The following ICA1L variants were observed in gnomAD, a reference collection of about 807,000 sequenced individuals.
The protein encoded by ICA1L is islet cell autoantigen 1 like, also known as islet cell autoantigen 1-like protein.
A neutral mutation model predicts 61.3 loss-of-function variants in ICA1L; 50 were observed. That is an observed-to-expected ratio of 0.82 (90% confidence interval 0.65 to 1.03). The LOEUF is 1.03. ICA1L is among the 50% of genes least tolerant of loss of function. ICA1L has a pLI of 0.00. For synonymous variants in ICA1L, 161 were observed against 191.3 expected, an observed-to-expected ratio of 0.84 and a Z score of 1.31; for missense variants, 508 against 556.7, an observed-to-expected ratio of 0.91 and a Z score of 0.88.
At chr2:202,816,272 C>T (rs1693531446) in intron 6 of ICA1L, among the ~76,000 whole-genome samples, 1 of 152,036 alleles carries the variant, frequency 6.6e-6, no homozygotes, top group Non-Finnish European at 1.5e-5. Flanking sequence ...AGAGTGACTG[C>T]AGCTAAGAGA....
In ICA1L at chr2:202,792,728, C is replaced by T. The variant is rs916032930; in HGVS notation, c.986-3641G>A. Among the ~76,000 whole-genome samples, 14 of 152,188 alleles carry T rather than the reference C, an allele frequency of 9.2e-5. No individual in the cohort carries two copies. The East Asian group carries it at 2.5e-3, about 27-fold the overall frequency. On this transcript the variant is annotated intron_variant, in intron 10 of 12. Coordinates refer to ENST00000358299, the MANE Select transcript of ICA1L (RefSeq NM_001288622.3). The stretch of plus-strand genomic sequence containing the variant: ...GGCTGAGGCAGGAGAATCACTTGAA[C>T]CCAGAAGGCAGGTTGCAGTGGGCCA...
intron 1 of ICA1L, among the ~76,000 whole-genome samples, chr2:202,851,610 T>C (rs1354163105): frequency 1.3e-5 from 2 of 152,208 alleles, no homozygotes; most frequent in East Asian, 1.9e-4. Context: ...ATGGTTGAAC[T>C]AGTTTACCTC....
chr2:202,795,911 C>T (rs960525870), intron 10 of ICA1L, among the ~76,000 whole-genome samples: 19 of 152,076 alleles, frequency 1.2e-4, no homozygotes, highest in African/African-American at 3.6e-4. Context: ...GGCATGGTGG[C>T]GCACGCCTGT....
chr2:202,814,756 C>T lies in ICA1L; in HGVS notation c.812G>A (p.Ser271Asn), dbSNP rs1480307795. ...TATTTGTTCATCTTTATTGTCTTCA[C>T]TAATCTTGCTTGGCGTGTCTTGTAG... Reference protein sequence around the residue: ...KQLQDTPSKISEDNKDEQIGG... With the variant: ...KQLQDTPSKINEDNKDEQIGG... The change falls in exon 8 of 13, where the codon AGT (serine) becomes AAT (asparagine). Residue 271 changes from serine to asparagine, a missense_variant. Transcript: ENST00000358299. 2 of 1,613,668 alleles carry T rather than the reference C, an allele frequency of 1.2e-6. No individual in the cohort carries two copies. The highest frequency in any genetic ancestry group is 3.3e-5 in the Admixed American group (2 of 60,000).
At chr2:202,834,049 T>A (rs532787686) in intron 1 of ICA1L, among the ~76,000 whole-genome samples, 35 of 152,306 alleles carry the variant, frequency 2.3e-4, no homozygotes, top group African/African-American at 7.7e-4. Flanking sequence ...TGAGGCAGGA[T>A]TTTTAGTGTT....
intron 12 of ICA1L, among the ~76,000 whole-genome samples, chr2:202,784,865 C>T (rs986311399): frequency 6.6e-6 from 1 of 152,074 alleles, no homozygotes; most frequent in African/African-American, 2.4e-5. Flanking sequence ...TAAAAAAGTT[C>T]TGAAGATCTG....
intron 10 of ICA1L, among the ~76,000 whole-genome samples, chr2:202,791,550 T>TA (rs1461457330): frequency 1.3e-5 from 2 of 152,208 alleles, no homozygotes; most frequent in Admixed American, 6.5e-5. Flanking sequence ...AGCTACAAAT[T>TA]AAAAGCACTA....
At chr2:202,788,743 TGTTG>T (rs1231169499) in intron 11 of ICA1L, 83 bp downstream of exon 11, 1 of 1,352,558 alleles carries the variant, frequency 7.4e-7, no homozygotes, top group African/African-American at 1.5e-5. Flanking sequence ...TCAATCTGCT[TGTTG>T]GTTCTAGCAT....
At chr2:202,807,889 C>T (rs1162955265) in intron 9 of ICA1L, among the ~76,000 whole-genome samples, 1 of 152,084 alleles carries the variant, frequency 6.6e-6, no homozygotes, top group Admixed American at 6.5e-5. Flanking sequence ...ATGCACTGCC[C>T]TAAAGGGAAG....
At chr2:202,799,370 A>C (rs1158632651) in intron 9 of ICA1L, among the ~76,000 whole-genome samples, 1 of 152,158 alleles carries the variant, frequency 6.6e-6, no homozygotes, top group Non-Finnish European at 1.5e-5. Context: ...CCTGATGATT[A>C]GTGATGTTTA....
intron 1 of ICA1L, among the ~76,000 whole-genome samples, chr2:202,845,513 G>T (rs1694442570): frequency 6.6e-6 from 1 of 151,814 alleles, no homozygotes; most frequent in South Asian, 2.1e-4. Flanking sequence ...TGTAATCCCA[G>T]CTACTTGGGA....
chr2:202,813,258 CAAAA>C (rs34755589), intron 8 of ICA1L, among the ~76,000 whole-genome samples: 17 of 120,306 alleles, frequency 1.4e-4, no homozygotes, highest in Admixed American at 2.5e-4. Flanking sequence ...GAGACTCTGT[CAAAA>C]AAAAAAAAAA....
chr2:202,774,433 C>T lies in ICA1L; in HGVS notation c.*5100G>A. ...AGGGTCGAGCCCCTGGCTCCCCGTT[C>T]GTCCAGGCCAGCTCAAGAAACAACT... On this transcript the variant is annotated 3_prime_UTR_variant, in exon 13 of 13. Transcript: ENST00000358299. 1.4e-6 allele frequency: 1 copy of T among 697,032 alleles called. No homozygotes were observed. The highest frequency in any genetic ancestry group is 2.7e-5 in the South Asian group (1 of 36,684). The allele number at this position is 697,032 out of a possible 1,614,324, so 43.2% of individuals were successfully genotyped here.
chr2:202,817,973 AT>A (rs1693586831), intron 5 of ICA1L, among the ~76,000 whole-genome samples: 1 of 152,210 alleles, frequency 6.6e-6, no homozygotes, highest in South Asian at 2.1e-4. Context: ...GGCCTATTAT[AT>A]TTCTTGAATA....
chr2:202,826,622 T>C lies in ICA1L; in HGVS notation c.163-855A>G, dbSNP rs1210900241. ...GAGTAGCTGGGATTACAGATGCCCATTACCGTGCCCAGCTAATTTTTGTAT... is the reference window on the plus strand; with the variant it reads ...GAGTAGCTGGGATTACAGATGCCCACTACCGTGCCCAGCTAATTTTTGTAT... On this transcript the variant is annotated intron_variant, in intron 2 of 12. Coordinates refer to ENST00000358299, the MANE Select transcript of ICA1L (RefSeq NM_001288622.3). 2.0e-5 allele frequency among the ~76,000 whole-genome samples: 3 copies of C among 152,222 alleles called. No homozygotes were observed. In the East Asian group the frequency reaches 5.8e-4, roughly 29 times the overall value.
intron 7 of ICA1L, among the ~76,000 whole-genome samples, chr2:202,815,362 T>A (rs536138305): frequency 1.3e-5 from 2 of 152,278 alleles, no homozygotes; most frequent in Middle Eastern, 6.8e-3. Context: ...AGCAACACTT[T>A]CAAGCTTTAC....
In ICA1L at chr2:202,778,654, T is replaced by C. The variant is rs1346294594; in HGVS notation, c.*879A>G. On this transcript the variant is annotated 3_prime_UTR_variant, in exon 13 of 13. Coordinates refer to ENST00000358299, the MANE Select transcript of ICA1L (RefSeq NM_001288622.3). Reference sequence around the variant, plus strand: ...GTATTTCAGGAATACTATTGCCAGTTGCTTAGGGAATATTCTCCCCTCATT... The same window carrying C: ...GTATTTCAGGAATACTATTGCCAGTCGCTTAGGGAATATTCTCCCCTCATT... 1 of 152,606 alleles carries C rather than the reference T, an allele frequency of 6.6e-6. No homozygotes were observed. The highest frequency in any genetic ancestry group is 1.5e-5 in the Non-Finnish European group (1 of 68,040). The allele number at this position is 152,606 out of a possible 1,614,324, so 9.5% of individuals were successfully genotyped here.
chr2:202,810,650 T>G (rs922711577), intron 9 of ICA1L, among the ~76,000 whole-genome samples: 4 of 151,978 alleles, frequency 2.6e-5, no homozygotes, highest in African/African-American at 9.7e-5. Context: ...ACAAGAGAGA[T>G]AACCTTAAAC....
intron 7 of ICA1L, 49 bp downstream of exon 7, chr2:202,815,862 C>A: frequency 1.8e-6 from 2 of 1,101,982 alleles, no homozygotes; most frequent in South Asian, 1.9e-5. Context: ...TGTTATCACC[C>A]AAATGAAGAG....
Sources: gnomAD v4.1 joint callset for allele counts (sites outside exome capture counted in the v4.1 genomes callset) on GRCh38, gnomAD v4.1.1 for gene constraint, MANE v1.5 for transcripts, NCBI Gene and HGNC (gene_info 2026-07-23, HGNC 2026-07-21) for gene names.